ITSN1: variants seen among roughly 807,000 people sequenced by gnomAD.
The protein encoded by ITSN1 is intersectin 1, also known as intersectin-1.
Under a neutral mutation model 239.8 loss-of-function variants are expected in ITSN1, and 58 were observed. The observed-to-expected ratio is 0.24, with a 90% CI of 0.20 to 0.30. The LOEUF (loss-of-function observed/expected upper bound fraction) is 0.30, where lower values mean the gene tolerates loss of function less well. Among genes scored for constraint, ITSN1 ranks in the 10% least tolerant of loss-of-function variants. The pLI, the probability that ITSN1 is intolerant of heterozygous loss-of-function variation, is 1.00. For synonymous variants in ITSN1, 780 were observed against 770.8 expected (o/e 1.01, Z -0.20); for missense variants, 1,558 against 2,103.3 (o/e 0.74, Z 5.07).
chr21:33,676,381 A>T (rs1442085290), intron 1 of ITSN1, among the ~76,000 whole-genome samples: 1 of 151,776 alleles, frequency 6.6e-6, no homozygotes, highest in Non-Finnish European at 1.5e-5. Flanking sequence ...TTTCTTCTAC[A>T]ACACTTTCTC....
At chr21:33,719,393 G>T (rs551866849) in intron 2 of ITSN1, among the ~76,000 whole-genome samples, 10 of 152,068 alleles carry the variant, frequency 6.6e-5, no homozygotes, top group Non-Finnish European at 1.2e-4. Context: ...GTGAGCCGAG[G>T]TCGCACCACT....
chr21:33,821,843 T>C (rs545649957), intron 24 of ITSN1, among the ~76,000 whole-genome samples: 92 of 152,306 alleles, frequency 6.0e-4, no homozygotes, highest in Middle Eastern at 3.4e-3. Context: ...GGATCCTGTC[T>C]TAAATGGCCA....
chr21:33,812,010 A>C (rs1179550137), intron 21 of ITSN1, among the ~76,000 whole-genome samples: 2 of 152,240 alleles, frequency 1.3e-5, no homozygotes, highest in Non-Finnish European at 2.9e-5. Flanking sequence ...GATGGAACAA[A>C]TAGAGGGAAG....
Position 33,772,134 on chromosome 21 carries a change from C to T in ITSN1, c.1116C>T (p.Leu372=). The change falls in exon 12 of 40, where the codon CTC becomes CTT. Residue 372 remains leucine, a synonymous_variant. Coordinates refer to ENST00000381318, the MANE Select transcript of ITSN1 (RefSeq NM_003024.3). ...NLELEKRRQA[L]LEQQRKEQER... ...AACTGGAGAAACGAAGGCAAGCTCT[C>T]CTGGAACAGCAGCGCAAGGAGCAGG... 6.2e-7 allele frequency: 1 copy of T among 1,614,220 alleles called. No homozygotes were observed. The highest frequency in any genetic ancestry group is 8.5e-7 in the Non-Finnish European group (1 of 1,180,044).
intron 31 of ITSN1, 98 bp downstream of exon 31, chr21:33,858,890 G>C: frequency 1.6e-6 from 1 of 608,742 alleles, no homozygotes; most frequent in Non-Finnish European, 2.9e-6. Context: ...ATGCTGCCCT[G>C]TGCTTCTTTC....
rs1452756895 is a variant in ITSN1, at chr21:33,871,437, C to A, written c.4174-3917C>A. Among the ~76,000 whole-genome samples, 305 of 146,424 alleles carry A rather than the reference C, an allele frequency of 2.1e-3. 1 individual carries two copies. The highest frequency in any genetic ancestry group is 7.2e-3 in the African/African-American group (291 of 40,330). ...AGAGTGAAACTCTGTCTCAAAAAAACAAAAAAAAAAACAAAAAACAAAAAG... is the reference window on the plus strand; with the variant it reads ...AGAGTGAAACTCTGTCTCAAAAAAAAAAAAAAAAAAACAAAAAACAAAAAG... On this transcript the variant is annotated intron_variant, in intron 33 of 39. Coordinates refer to ENST00000381318, the MANE Select transcript of ITSN1 (RefSeq NM_003024.3).
At position 33,885,500 on chromosome 21, in the gene ITSN1, G is replaced by A. The variant is rs780662199; in HGVS notation, c.4821G>A (p.Glu1607=). 3.7e-6 allele frequency: 6 copies of A among 1,614,128 alleles called. No individual in the cohort carries two copies. Among genetic ancestry groups the A allele is most frequent in the Non-Finnish European group, 5.1e-6 (6 of 1,180,006 alleles). ...RLMVNVVEGI[E]LKPCRSHGKS... Reference sequence around the variant, plus strand: ...TGGTGAACGTGGTTGAAGGCATCGAGTTGAAACCCTGTCGGTCACATGGTA... The same window carrying A: ...TGGTGAACGTGGTTGAAGGCATCGAATTGAAACCCTGTCGGTCACATGGTA... The change falls in exon 38 of 40, where the codon GAG becomes GAA. Residue 1607 remains glutamate (E), a synonymous_variant. Coordinates refer to ENST00000381318, the MANE Select transcript of ITSN1 (RefSeq NM_003024.3).
chr21:33,803,012 A>C (rs2072127041), intron 20 of ITSN1, among the ~76,000 whole-genome samples: 2 of 152,242 alleles, frequency 1.3e-5, no homozygotes, highest in Admixed American at 6.5e-5. Context: ...CAATTGGCAG[A>C]GGGTGGGAAG....
At chr21:33,872,850 T>C (rs1288820211) in intron 33 of ITSN1, among the ~76,000 whole-genome samples, 1 of 152,236 alleles carries the variant, frequency 6.6e-6, no homozygotes, top group Non-Finnish European at 1.5e-5. Flanking sequence ...AGGTTCTTTA[T>C]AACTTTTTGA....
At chr21:33,868,666 C>G (rs972662978) in intron 33 of ITSN1, among the ~76,000 whole-genome samples, 3 of 152,350 alleles carry the variant, frequency 2.0e-5, no homozygotes, top group South Asian at 2.1e-4. Flanking sequence ...CCGCAAGCGC[C>G]GCACGCAGCC....
At chr21:33,855,262 G>A (rs1365715688) in intron 29 of ITSN1, among the ~76,000 whole-genome samples, 1 of 152,178 alleles carries the variant, frequency 6.6e-6, no homozygotes, top group African/African-American at 2.4e-5. Context: ...CAGATACCCA[G>A]CCCCCAACTC....
Position 33,810,897 on chromosome 21 carries a change from G to C in ITSN1, c.2320-78G>C, listed in dbSNP as rs1055807752. 4.0e-6 allele frequency: 6 copies of C among 1,518,100 alleles called. No individual in the cohort carries two copies. The African/African-American group carries it at 8.2e-5, about 21-fold the overall frequency. 94.0% of individuals were successfully genotyped at this position (1,518,100 alleles called of 1,614,324 possible). A position where few individuals can be genotyped will look rare whatever the true frequency, so the allele number is the denominator to read the frequency against. The stretch of plus-strand genomic sequence containing the variant: ...GTCAATCTAAAGAGGGCAGAGGCTT[G>C]GGACTTCACTGTAGTTGGGTGCTGG... On this transcript the variant is annotated intron_variant, in intron 20 of 39. Coordinates refer to ENST00000381318, the MANE Select transcript of ITSN1 (RefSeq NM_003024.3).
intron 31 of ITSN1, among the ~76,000 whole-genome samples, chr21:33,861,342 A>C (rs1005056169): frequency 1.9e-4 from 29 of 152,050 alleles, no homozygotes; most frequent in African/African-American, 6.0e-4. Context: ...CTGGAGTGCC[A>C]CCAGTGAGCG....
At chr21:33,875,320 A>C (rs766509048) in intron 33 of ITSN1, 34 bp from the exon 34 acceptor site, 1 of 1,612,650 alleles carries the variant, frequency 6.2e-7, no homozygotes, top group Admixed American at 1.7e-5. Flanking sequence ...CACATTGCCT[A>C]AAAGGAGGTG....
intron 1 of ITSN1, among the ~76,000 whole-genome samples, chr21:33,710,437 A>T (rs1307725190): frequency 6.6e-6 from 1 of 152,060 alleles, no homozygotes; most frequent in Non-Finnish European, 1.5e-5. Context: ...ATCTGTTCAC[A>T]TGATCATATG....
At chr21:33,689,952 A>AC (rs1173058002) in intron 1 of ITSN1, among the ~76,000 whole-genome samples, 1 of 150,060 alleles carries the variant, frequency 6.7e-6, no homozygotes, top group Non-Finnish European at 1.5e-5. Context: ...TGGGCGACAG[A>AC]CCAAGACTCT....
chr21:33,746,790 C>T (rs1053136195), intron 5 of ITSN1, among the ~76,000 whole-genome samples: 66 of 151,850 alleles, frequency 4.3e-4, no homozygotes, highest in African/African-American at 1.4e-3. Context: ...TACAGTGAGA[C>T]GAAATTGCGC....
chr21:33,784,317 ACACACAC>A (rs2070455767), intron 16 of ITSN1, among the ~76,000 whole-genome samples: 1 of 92,490 alleles, frequency 1.1e-5, no homozygotes, highest in Admixed American at 1.2e-4. Context: ...CAAAACACAC[ACACACAC>A]ACACACACAC....
At chr21:33,757,748 G>C (rs2068025045) in intron 8 of ITSN1, among the ~76,000 whole-genome samples, 2 of 152,116 alleles carry the variant, frequency 1.3e-5, no homozygotes, top group African/African-American at 4.8e-5. Flanking sequence ...TATCAAGAAA[G>C]TTGAGAAAAG....
Sources: allele counts gnomAD v4.1 joint callset (sites outside exome capture counted in the v4.1 genomes callset), GRCh38; gene constraint gnomAD v4.1.1; transcripts MANE v1.5; gene names NCBI Gene and HGNC (gene_info 2026-07-23, HGNC 2026-07-21).